The following GUCY1A2 variants were observed in gnomAD, a reference collection of about 807,000 sequenced individuals.
GUCY1A2 encodes guanylate cyclase soluble subunit alpha-2.
GUCY1A2 carries 27 observed loss-of-function variants against 63.5 expected under a neutral mutation model. That is an observed-to-expected ratio of 0.43 (90% CI 0.31 to 0.59). The LOEUF is 0.59. Ranked by LOEUF, GUCY1A2 falls within the 20% of genes least tolerant of loss-of-function variation. GUCY1A2 has a pLI of 0.11. For synonymous variants in GUCY1A2, 364 were observed against 343.5 expected, an observed-to-expected ratio of 1.06 and a Z score of -0.66; for missense variants, 768 against 913.3, an observed-to-expected ratio of 0.84 and a Z score of 2.05.
chr11:106,950,860 C>T (rs951218730), intron 3 of GUCY1A2, among the ~76,000 whole-genome samples: 1 of 152,072 alleles, frequency 6.6e-6, no homozygotes, highest in Non-Finnish European at 1.5e-5. Context: ...TTTGCTGCAC[C>T]TATTGACCCA....
At chr11:106,712,316 C>T (rs1327715770) in intron 6 of GUCY1A2, among the ~76,000 whole-genome samples, 1 of 152,094 alleles carries the variant, frequency 6.6e-6, no homozygotes, top group Non-Finnish European at 1.5e-5. Context: ...TATTTTTCAT[C>T]TCAGACATTG....
intron 6 of GUCY1A2, among the ~76,000 whole-genome samples, chr11:106,758,100 C>G (rs987662826): frequency 6.6e-6 from 1 of 152,200 alleles, no homozygotes; most frequent in Non-Finnish European, 1.5e-5. Context: ...CTGCGGTGGG[C>G]TCCACCCAGT....
intron 4 of GUCY1A2, among the ~76,000 whole-genome samples, chr11:106,875,256 C>A (rs1427273627): frequency 6.6e-6 from 1 of 152,082 alleles, no homozygotes; most frequent in Admixed American, 6.6e-5. Flanking sequence ...AGTCAGGCAG[C>A]TGAAGGGGAA....
At chr11:106,726,421 C>CAAAACA (rs1257084669) in intron 6 of GUCY1A2, among the ~76,000 whole-genome samples, 3 of 151,924 alleles carry the variant, frequency 2.0e-5, no homozygotes, top group Middle Eastern at 3.4e-3. Flanking sequence ...CATCTCAGAA[C>CAAAACA]AAAACAAAAA....
At chr11:107,005,886 C>T (rs954475865) in intron 1 of GUCY1A2, among the ~76,000 whole-genome samples, 4 of 152,120 alleles carry the variant, frequency 2.6e-5, no homozygotes, top group African/African-American at 7.2e-5. Flanking sequence ...GCACTAAACA[C>T]GAACCATGAC....
intron 6 of GUCY1A2, among the ~76,000 whole-genome samples, chr11:106,773,504 T>G (rs2135400267): frequency 6.6e-6 from 1 of 152,340 alleles, no homozygotes; most frequent in Non-Finnish European, 1.5e-5. Context: ...TTGCTACACG[T>G]GCACAAGTAC....
intron 3 of GUCY1A2, among the ~76,000 whole-genome samples, chr11:106,954,001 G>T (rs1335764084): frequency 6.6e-6 from 1 of 151,886 alleles, no homozygotes; most frequent in Non-Finnish European, 1.5e-5. Flanking sequence ...GGTTTTTCAT[G>T]TCTCTATCTC....
intron 4 of GUCY1A2, among the ~76,000 whole-genome samples, chr11:106,847,617 T>G (rs1048425038): frequency 6.6e-6 from 1 of 151,580 alleles, no homozygotes; most frequent in Admixed American, 6.6e-5. Context: ...AGGTGATATT[T>G]CATTACATAT....
intron 7 of GUCY1A2, among the ~76,000 whole-genome samples, chr11:106,704,849 A>G (rs1158508065): frequency 1.3e-5 from 2 of 150,790 alleles, no homozygotes; most frequent in South Asian, 2.1e-4. Context: ...TTATTTTAAA[A>G]TATATATTAT....
At chr11:106,716,768 CAAAAAA>C (rs56999589) in intron 6 of GUCY1A2, among the ~76,000 whole-genome samples, 2 of 55,300 alleles carry the variant, frequency 3.6e-5, no homozygotes, top group East Asian at 7.5e-4. Flanking sequence ...GACTCCGTCT[CAAAAAA>C]AAAAAAAAAA....
In GUCY1A2 at chr11:106,747,638, G is replaced by A. The variant is rs188085734; in HGVS notation, c.1836+28801C>T. Among the ~76,000 whole-genome samples the A allele has an allele frequency of 4.0e-3, 615 of 152,292 alleles. 9 individuals are homozygous for A. Among genetic ancestry groups the A allele is most frequent in the African/African-American group, 0.014 (591 of 41,558 alleles). ...TTTCCCTTTATCCACCCCTTTTGGG[G>A]TTTATTCTCCAATAACTGGAAGATA... On this transcript the variant is annotated intron_variant, in intron 6 of 7. Coordinates refer to ENST00000526355, the MANE Select transcript of GUCY1A2 (RefSeq NM_000855.3).
intron 7 of GUCY1A2, among the ~76,000 whole-genome samples, chr11:106,691,139 A>G (rs922440826): frequency 6.6e-6 from 1 of 152,214 alleles, no homozygotes; most frequent in African/African-American, 2.4e-5. Context: ...ATGTCAATCA[A>G]TCAAACTTTT....
intron 6 of GUCY1A2, among the ~76,000 whole-genome samples, chr11:106,750,891 T>C (rs1314969028): frequency 1.3e-5 from 2 of 152,038 alleles, no homozygotes; most frequent in African/African-American, 4.8e-5. Flanking sequence ...TGGATCCTAC[T>C]TGTCAATCAA....
At position 106,681,178 on chromosome 11, in the gene GUCY1A2, G is replaced by A; in HGVS notation, c.*6371C>T. The A allele has an allele frequency of 4.6e-6, 1 of 216,962 alleles. No homozygotes were observed. Among genetic ancestry groups the A allele is most frequent in the Non-Finnish European group, 9.3e-6 (1 of 107,702 alleles). 13.4% of individuals were successfully genotyped at this position (216,962 alleles called of 1,614,324 possible). The stretch of plus-strand genomic sequence containing the variant: ...GACTTTTATTTATTGTGCTACAGGT[G>A]ACTTTCAGTCAATCATATTCTGAAG... On this transcript the variant is annotated 3_prime_UTR_variant, in exon 8 of 8. Coordinates refer to ENST00000526355, the MANE Select transcript of GUCY1A2 (RefSeq NM_000855.3).
intron 4 of GUCY1A2, among the ~76,000 whole-genome samples, chr11:106,869,891 T>C (rs930348293): frequency 1.3e-5 from 2 of 151,848 alleles, no homozygotes; most frequent in African/African-American, 4.8e-5. Flanking sequence ...ATTAAGAAAA[T>C]GTGGTACATA....
intron 6 of GUCY1A2, among the ~76,000 whole-genome samples, chr11:106,753,276 C>G (rs1422211152): frequency 6.6e-6 from 1 of 152,164 alleles, no homozygotes; most frequent in East Asian, 1.9e-4. Context: ...AGCCCTTTGT[C>G]AGATGGATAG....
chr11:106,927,259 G>A (rs1361047468), intron 4 of GUCY1A2, among the ~76,000 whole-genome samples: 1 of 151,488 alleles, frequency 6.6e-6, no homozygotes, highest in African/African-American at 2.4e-5. Flanking sequence ...TGTAGTCCCA[G>A]CTACTCGGGA....
intron 7 of GUCY1A2, among the ~76,000 whole-genome samples, chr11:106,699,792 T>C (rs1279790374): frequency 1.3e-5 from 2 of 152,062 alleles, no homozygotes; most frequent in African/African-American, 2.4e-5. Context: ...TTTTTTTCTT[T>C]TTTTTTTGAG....
chr11:106,905,565 A>G (rs552322566), intron 4 of GUCY1A2, among the ~76,000 whole-genome samples: 4 of 152,096 alleles, frequency 2.6e-5, no homozygotes, highest in Non-Finnish European at 5.9e-5. Flanking sequence ...CTCAGTCCAT[A>G]TCACTTAGAG....
Sources: allele counts gnomAD v4.1 joint callset (sites outside exome capture counted in the v4.1 genomes callset), GRCh38; gene constraint gnomAD v4.1.1; transcripts MANE v1.5; gene names NCBI Gene and HGNC (gene_info 2026-07-23, HGNC 2026-07-21).